Variants in NTRK2 observed in about 807,000 individuals in gnomAD.
NTRK2 encodes the protein neurotrophic receptor tyrosine kinase 2.
NTRK2 carries 13 observed loss-of-function variants against 94.5 expected under a neutral mutation model. That is an observed-to-expected ratio of 0.14 (90% CI 0.09 to 0.22). The LOEUF is 0.22. Among genes scored for constraint, NTRK2 ranks in the 10% least tolerant of loss-of-function variants. The pLI is 1.00. For synonymous variants in NTRK2, 372 were observed against 407.4 expected, an observed-to-expected ratio of 0.91 and a Z score of 1.05; for missense variants, 639 against 1,071.2, an observed-to-expected ratio of 0.60 and a Z score of 5.63.
chr9:84,900,967 T>C (rs1232354390), intron 14 of NTRK2, among the ~76,000 whole-genome samples: 3 of 152,196 alleles, frequency 2.0e-5, no homozygotes, highest in Non-Finnish European at 4.4e-5. Context: ...GTTGTGCTAA[T>C]AAACGGCATA....
intron 12 of NTRK2, among the ~76,000 whole-genome samples, chr9:84,806,243 A>G (rs1200003093): frequency 6.6e-6 from 1 of 152,232 alleles, no homozygotes; most frequent in Non-Finnish European, 1.5e-5. Flanking sequence ...AAGAAGGTCC[A>G]TGAGTGGAAG....
In NTRK2 at chr9:84,711,127, G is replaced by A. The variant is rs2061394559; in HGVS notation, c.583+336G>A. 3.9e-5 allele frequency among the ~76,000 whole-genome samples: 6 copies of A among 152,188 alleles called. No individual in the cohort carries two copies. In the South Asian group the frequency reaches 1.0e-3, roughly 26 times the overall value. On this transcript the variant is annotated intron_variant, in intron 6 of 18. Coordinates refer to ENST00000277120, the MANE Select transcript of NTRK2 (RefSeq NM_006180.6). Reference sequence around the variant, plus strand: ...TGTGCAAAAACTATCTGCTAAAAGTGTGGCACTTCTCTGGCCACATATACC... The same window carrying A: ...TGTGCAAAAACTATCTGCTAAAAGTATGGCACTTCTCTGGCCACATATACC...
intron 13 of NTRK2, among the ~76,000 whole-genome samples, chr9:84,863,940 A>G (rs75817540): frequency 0.011 from 1,625 of 152,210 alleles, 35 homozygotes; most frequent in African/African-American, 0.037. Context: ...TTCCCTTGCA[A>G]TCTGTTACAT....
chr9:84,811,326 A>G (rs1403266392), intron 12 of NTRK2: 1 of 1,066,218 alleles, frequency 9.4e-7, no homozygotes, highest in Non-Finnish European at 1.1e-6. Flanking sequence ...AAAAAGAAGA[A>G]GAAGAAAAAA....
chr9:84,855,043 C>A (rs2074996373), intron 12 of NTRK2, among the ~76,000 whole-genome samples: 1 of 147,474 alleles, frequency 6.8e-6, no homozygotes, highest in African/African-American at 2.5e-5. Flanking sequence ...AAAGAGAACA[C>A]TGGGCTGTTT....
Position 84,906,021 on chromosome 9 carries a change from T to C in NTRK2, c.1634-28141T>C, listed in dbSNP as rs1218993089. On this transcript the variant is annotated intron_variant, in intron 14 of 18. Transcript: ENST00000277120. ...AGAATGTGAATTCGATTTCCAATACTTTGCATGTGTGAAGCAAAAGAGACA... is the reference window on the plus strand; with the variant it reads ...AGAATGTGAATTCGATTTCCAATACCTTGCATGTGTGAAGCAAAAGAGACA... 2.0e-5 allele frequency among the ~76,000 whole-genome samples: 3 copies of C among 152,170 alleles called. No homozygotes were observed. The East Asian group carries it at 5.8e-4, about 29-fold the overall frequency.
intron 14 of NTRK2, 109 bp from the exon 15 acceptor site, chr9:84,934,053 G>A: frequency 8.3e-7 from 1 of 1,211,396 alleles, no homozygotes; most frequent in Non-Finnish European, 1.2e-6. Flanking sequence ...TGTGCACAGA[G>A]GAGAGACTCT....
chr9:84,702,586 A>G (rs1310685556), intron 4 of NTRK2, among the ~76,000 whole-genome samples, 167 bp downstream of exon 4: 1 of 152,208 alleles, frequency 6.6e-6, no homozygotes, highest in African/African-American at 2.4e-5. Context: ...TTTTTTGAAT[A>G]GCTTCAGAGG....
At chr9:84,768,394 T>C (rs939196820) in intron 12 of NTRK2, among the ~76,000 whole-genome samples, 2 of 152,142 alleles carry the variant, frequency 1.3e-5, no homozygotes, top group Non-Finnish European at 2.9e-5. Context: ...ACTCAGTCAT[T>C]CCTAGGCTAA....
chr9:84,858,255 A>G (rs1166351059), intron 12 of NTRK2, among the ~76,000 whole-genome samples: 2 of 151,828 alleles, frequency 1.3e-5, no homozygotes, highest in East Asian at 1.9e-4. Context: ...TCCTCCCATA[A>G]TCCTGATTTC....
intron 17 of NTRK2, among the ~76,000 whole-genome samples, chr9:85,001,475 G>A (rs904085106): frequency 1.3e-4 from 20 of 152,192 alleles, no homozygotes; most frequent in Non-Finnish European, 1.3e-4. Context: ...ACACAAGCCT[G>A]TTGTCTAAAC....
chr9:84,722,641 T>C (rs113602353), intron 6 of NTRK2, among the ~76,000 whole-genome samples: 60 of 152,288 alleles, frequency 3.9e-4, no homozygotes, highest in African/African-American at 1.4e-3. Context: ...CATATTGTTA[T>C]ACCCTCTAAG....
At chr9:84,679,851 C>G (rs1364674805) in intron 2 of NTRK2, among the ~76,000 whole-genome samples, 1 of 152,170 alleles carries the variant, frequency 6.6e-6, no homozygotes, top group East Asian at 1.9e-4. Flanking sequence ...TTGCAGGTCA[C>G]CAGCTTCCTG....
intron 12 of NTRK2, among the ~76,000 whole-genome samples, chr9:84,763,036 C>A (rs573280805): frequency 6.6e-6 from 1 of 152,290 alleles, no homozygotes; most frequent in South Asian, 2.1e-4. Flanking sequence ...GTTCTGCCAC[C>A]TTCATATGTG....
rs1832972667 is a variant in NTRK2 at position 85,025,118 on chromosome 9, A to G, written c.*3681A>G. 1 of 233,056 alleles carries G rather than the reference A, an allele frequency of 4.3e-6. No homozygotes were observed. 14.4% of individuals were successfully genotyped at this position (233,056 alleles called of 1,614,324 possible). A position where few individuals can be genotyped will look rare whatever the true frequency, so the allele number is the denominator to read the frequency against. On this transcript the variant is annotated 3_prime_UTR_variant, in exon 19 of 19. Transcript: ENST00000277120. ...TTCCATACTCCACGTGGGTAGGACT[A>G]CATCACACTTTTCAACTCTGTGCAG...
At chr9:84,670,050 C>T (rs1022230937) in intron 1 of NTRK2, among the ~76,000 whole-genome samples, 162 bp downstream of exon 1, 1 of 152,184 alleles carries the variant, frequency 6.6e-6, no homozygotes, top group African/African-American at 2.4e-5. Flanking sequence ...GGCCCCGTCG[C>T]GGAGCCAAAG....
chr9:84,680,640 A>G (rs1275459037), intron 2 of NTRK2, among the ~76,000 whole-genome samples: 2 of 152,138 alleles, frequency 1.3e-5, no homozygotes, highest in African/African-American at 2.4e-5. Flanking sequence ...CTCCCATCTT[A>G]GAAAAGTTTT....
chr9:85,014,214 G>C (rs1222321666), intron 17 of NTRK2, among the ~76,000 whole-genome samples: 1 of 152,200 alleles, frequency 6.6e-6, no homozygotes, highest in Non-Finnish European at 1.5e-5. Context: ...GGGCAGTATG[G>C]AGACGAATGG....
At chr9:84,791,107 TA>T (rs1270539958) in intron 12 of NTRK2, among the ~76,000 whole-genome samples, 2 of 152,204 alleles carry the variant, frequency 1.3e-5, no homozygotes, top group Non-Finnish European at 2.9e-5. Flanking sequence ...CTGACCAAAA[TA>T]AGTGAAATGT....
Sources: gnomAD v4.1 joint callset for allele counts (sites outside exome capture counted in the v4.1 genomes callset) on GRCh38, gnomAD v4.1.1 for gene constraint, MANE v1.5 for transcripts, NCBI Gene and HGNC (gene_info 2026-07-23, HGNC 2026-07-21) for gene names.